The following NTSR1 variants were observed in gnomAD, a reference collection of about 807,000 sequenced individuals.
The protein encoded by NTSR1 is neurotensin receptor type 1.
Under a neutral mutation model 31.2 loss-of-function variants are expected in NTSR1, and 29 were observed. That is an observed-to-expected ratio of 0.93 (90% confidence interval 0.69 to 1.27). The LOEUF (loss-of-function observed/expected upper bound fraction) is 1.27. NTSR1 is among the 50% of genes most tolerant of loss of function. The probability of loss-of-function intolerance (pLI) is 0.00; values close to 1 mark genes in which losing one functional copy is unlikely to be tolerated. For missense variants in NTSR1, 697 were observed against 595.4 expected, an observed-to-expected ratio of 1.17 and a Z score of -1.78; for synonymous variants, 282 against 269.9, an observed-to-expected ratio of 1.04 and a Z score of -0.44.
At chr20:62,754,277 G>A (rs1376403563) in intron 1 of NTSR1, among the ~76,000 whole-genome samples, 1 of 152,210 alleles carries the variant, frequency 6.6e-6, no homozygotes, top group Non-Finnish European at 1.5e-5. Context: ...GACGGGCCTT[G>A]GGGTGGGGCA....
intron 1 of NTSR1, among the ~76,000 whole-genome samples, chr20:62,750,111 C>T (rs1369945802): frequency 6.6e-6 from 1 of 152,200 alleles, no homozygotes; most frequent in Non-Finnish European, 1.5e-5. Flanking sequence ...CAGAGTGCTG[C>T]TCCGTCTTGA....
At chr20:62,727,790 C>G (rs568456319) in intron 1 of NTSR1, among the ~76,000 whole-genome samples, 1 of 152,268 alleles carries the variant, frequency 6.6e-6, no homozygotes, top group East Asian at 1.9e-4. Flanking sequence ...GCAGCGGCCA[C>G]CAGGGCCACA....
At position 62,742,091 on chromosome 20, in the gene NTSR1, C is replaced by G. The variant is rs1989216384; in HGVS notation, c.715-12594C>G. Among the ~76,000 whole-genome samples the G allele has an allele frequency of 1.3e-5, 2 of 149,610 alleles. 1 individual carries two copies. Among genetic ancestry groups the G allele is most frequent in the Admixed American group, 1.3e-4 (2 of 14,872 alleles). On this transcript the variant is annotated intron_variant, in intron 1 of 3. Transcript: ENST00000370501. This position sits in a 1 kb window ranked among gnomAD's most constrained non-coding sequence, Gnocchi z 7.1. ...GTTATTTTTAATACTGAGCCAAAACCTGCACATCAGAGCTCTCTGATGGAG... is the reference window on the plus strand; with the variant it reads ...GTTATTTTTAATACTGAGCCAAAACGTGCACATCAGAGCTCTCTGATGGAG...
At chr20:62,712,302 G>T (rs1260168936) in intron 1 of NTSR1, among the ~76,000 whole-genome samples, 1 of 152,238 alleles carries the variant, frequency 6.6e-6, no homozygotes. Context: ...AGAGGGGCTG[G>T]ATACCCTGAG....
In NTSR1 at chr20:62,741,035, C is replaced by T. The variant is rs1242677120; in HGVS notation, c.715-13650C>T. 6.6e-6 allele frequency among the ~76,000 whole-genome samples: 1 copy of T among 152,214 alleles called. No individual in the cohort carries two copies. Among genetic ancestry groups the T allele is most frequent in the Non-Finnish European group, 1.5e-5 (1 of 68,030 alleles). Reference sequence around the variant, plus strand: ...CGGCCAGGCTCAGCGAGGGGAGGGCCGTTCCCGGGGCTGAGGGCCAGGGGC... The same window carrying T: ...CGGCCAGGCTCAGCGAGGGGAGGGCTGTTCCCGGGGCTGAGGGCCAGGGGC... On this transcript the variant is annotated intron_variant, in intron 1 of 3. Coordinates refer to ENST00000370501, the MANE Select transcript of NTSR1 (RefSeq NM_002531.3). The surrounding 1 kb of genome is among the most constrained non-coding windows in gnomAD (Gnocchi z 4.3).
intron 1 of NTSR1, among the ~76,000 whole-genome samples, chr20:62,735,724 G>C (rs1746083611): frequency 6.6e-6 from 1 of 152,206 alleles, no homozygotes; most frequent in African/African-American, 2.4e-5. Context: ...ACACGGCGAG[G>C]TGAGCTCACC....
chr20:62,738,620 C>A (rs546781496), intron 1 of NTSR1, among the ~76,000 whole-genome samples: 57 of 152,370 alleles, frequency 3.7e-4, no homozygotes, highest in Non-Finnish European at 6.6e-4. Flanking sequence ...TCCTACCTTG[C>A]AAGGTGGCCA....
chr20:62,750,514 C>A (rs1989374919), intron 1 of NTSR1, among the ~76,000 whole-genome samples: 1 of 151,884 alleles, frequency 6.6e-6, no homozygotes, highest in Non-Finnish European at 1.5e-5. Context: ...CATGGTGAAA[C>A]CCCATCTCTA....
chr20:62,760,002 C>G lies in NTSR1; in HGVS notation c.1008-16C>G. Reference sequence around the variant, plus strand: ...AGAGTTCTCTCTGGGATCTGAGCGCCTCTCTCTCCCCGCAGGTTCCTCTAT... The same window carrying G: ...AGAGTTCTCTCTGGGATCTGAGCGCGTCTCTCTCCCCGCAGGTTCCTCTAT... On this transcript the variant is annotated splice_polypyrimidine_tract_variant and intron_variant, in intron 3 of 3. Coordinates refer to ENST00000370501, the MANE Select transcript of NTSR1 (RefSeq NM_002531.3). The G allele has an allele frequency of 6.2e-7, 1 of 1,611,582 alleles. No individual in the cohort carries two copies. The highest frequency in any genetic ancestry group is 8.5e-7 in the Non-Finnish European group (1 of 1,177,898).
intron 1 of NTSR1, among the ~76,000 whole-genome samples, chr20:62,721,335 A>G (rs577200491): frequency 6.6e-6 from 1 of 152,300 alleles, no homozygotes; most frequent in African/African-American, 2.4e-5. Flanking sequence ...AGGGTGGCAT[A>G]TATTGATTCT....
chr20:62,723,456 G>C (rs1195169293), intron 1 of NTSR1, among the ~76,000 whole-genome samples: 1 of 152,194 alleles, frequency 6.6e-6, no homozygotes, highest in Non-Finnish European at 1.5e-5. Flanking sequence ...CCAGGGCAAG[G>C]AACGCTCATT....
rs377415240 is a variant in NTSR1, at chr20:62,754,783, C to G, written c.813C>G (p.Ala271=). The change falls in exon 2 of 4, where the codon GCC becomes GCG. Residue 271 remains alanine, a synonymous_variant. Transcript: ENST00000370501. ...TGACCGTCATGGTACGCCAGGCGGC[C>G]GAGCAGGGCCAAGTGTGCACGGTCG... ...NKLTVMVRQA[A]EQGQVCTVGG... The G allele has an allele frequency of 3.1e-6, 5 of 1,611,972 alleles. No individual in the cohort carries two copies. In the African/African-American group the frequency reaches 5.3e-5, roughly 17 times the overall value.
At position 62,715,640 on chromosome 20, in the gene NTSR1, G is replaced by C. The variant is rs946478; in HGVS notation, c.714+5719G>C. 0.65 allele frequency among the ~76,000 whole-genome samples: 99,344 copies of C among 152,192 alleles called. 35,347 individuals are homozygous for C. Among genetic ancestry groups the C allele is most frequent in the East Asian group, 0.94 (4,859 of 5,186 alleles). On this transcript the variant is annotated intron_variant, in intron 1 of 3. Transcript: ENST00000370501. This position sits in a 1 kb window ranked among gnomAD's most constrained non-coding sequence, Gnocchi z 4.7. ...ATTGTGACCCGGGGTCAGCTCTCCCGGGCTGTCCTGCACTTGGACTGACAG... is the reference window on the plus strand; with the variant it reads ...ATTGTGACCCGGGGTCAGCTCTCCCCGGCTGTCCTGCACTTGGACTGACAG...
chr20:62,727,853 G>A (rs918484180), intron 1 of NTSR1, among the ~76,000 whole-genome samples: 13 of 152,264 alleles, frequency 8.5e-5, no homozygotes, highest in Admixed American at 4.6e-4. Flanking sequence ...GGGTGCCATG[G>A]CAAGGGTGGG....
Position 62,711,212 on chromosome 20 carries a change from T to G in NTSR1, c.714+1291T>G, listed in dbSNP as rs931660303. 2.6e-5 allele frequency among the ~76,000 whole-genome samples: 4 copies of G among 152,038 alleles called. No homozygotes were observed. The highest frequency in any genetic ancestry group is 5.9e-5 in the Non-Finnish European group (4 of 67,982). ...TGCACATAGAACTGGTGGCTACAGG[T>G]GTCCCATCTCGGGGAGGCCCCTCCC... On this transcript the variant is annotated intron_variant, in intron 1 of 3. Coordinates refer to ENST00000370501, the MANE Select transcript of NTSR1 (RefSeq NM_002531.3). This position sits in a 1 kb window ranked among gnomAD's most constrained non-coding sequence, Gnocchi z 6.4.
rs2147143368 is a variant in NTSR1 at position 62,743,143 on chromosome 20, G to A, written c.715-11542G>A. On this transcript the variant is annotated intron_variant, in intron 1 of 3. Coordinates refer to ENST00000370501, the MANE Select transcript of NTSR1 (RefSeq NM_002531.3). This position sits in a 1 kb window ranked among gnomAD's most constrained non-coding sequence, Gnocchi z 7.5. The stretch of plus-strand genomic sequence containing the variant: ...GCCGCCCCTGCTGGACACGTATCCC[G>A]GCCATCTCAGGCCCACCCATTGCCT... Among the ~76,000 whole-genome samples, 2 of 149,448 alleles carry A rather than the reference G, an allele frequency of 1.3e-5. No individual in the cohort carries two copies. The highest frequency in any genetic ancestry group is 2.3e-4 in the East Asian group (1 of 4,436).
intron 1 of NTSR1, among the ~76,000 whole-genome samples, chr20:62,740,255 G>A (rs538128007): frequency 2.6e-4 from 39 of 152,368 alleles, no homozygotes; most frequent in Admixed American, 7.2e-4. Flanking sequence ...AAACCGGATC[G>A]AACGGGCTCA....
chr20:62,739,554 G>C (rs1989165917), intron 1 of NTSR1, among the ~76,000 whole-genome samples: 1 of 152,222 alleles, frequency 6.6e-6, no homozygotes, highest in Non-Finnish European at 1.5e-5. Flanking sequence ...GCCGCCCCCG[G>C]CCTTCCTCTC....
intron 1 of NTSR1, among the ~76,000 whole-genome samples, chr20:62,728,401 A>C: frequency 6.6e-6 from 1 of 152,300 alleles, no homozygotes; most frequent in Non-Finnish European, 1.5e-5. Context: ...GGGTGGGTGC[A>C]GACACTACTG....
Sources: allele counts gnomAD v4.1 joint callset (sites outside exome capture counted in the v4.1 genomes callset), GRCh38; gene constraint gnomAD v4.1.1; non-coding constraint Gnocchi (gnomAD v3.1); transcripts MANE v1.5; gene names NCBI Gene and HGNC (gene_info 2026-07-23, HGNC 2026-07-21).